RELCH: variants seen among roughly 807,000 people sequenced by gnomAD.
RELCH encodes the protein RAB11 binding and LisH domain, coiled-coil and HEAT repeat containing.
In RELCH, 41 loss-of-function variants were observed where a neutral mutation model predicts 150.3. The ratio of observed to expected loss-of-function variants is 0.27; its 90% confidence interval spans 0.21 to 0.35. The LOEUF is 0.35. RELCH is among the 10% of genes least tolerant of loss of function. RELCH has a pLI of 1.00. For synonymous variants in RELCH, 478 were observed against 531.8 expected (o/e 0.90, Z 1.39); for missense variants, 1,092 against 1,467.8 (o/e 0.74, Z 4.18).
In RELCH at chr18:62,309,348, ATG is replaced by A. The variant is rs2045954581; in HGVS notation, c.*3818_*3819del. 9.2e-5 allele frequency: 14 copies of A among 152,306 alleles called. No homozygotes were observed. In the South Asian group the frequency reaches 2.9e-3, roughly 32 times the overall value. 9.4% of individuals were successfully genotyped at this position (152,306 alleles called of 1,614,324 possible). Reference sequence around the variant, plus strand: ...TAGACAATTTTCATACTGCGTAAGAATGTGTTCTGTATGCATTTTGTGTGTGA... The same window carrying A: ...TAGACAATTTTCATACTGCGTAAGAATGTTCTGTATGCATTTTGTGTGTGA... On this transcript the variant is annotated 3_prime_UTR_variant, in exon 29 of 29. Transcript: ENST00000644646.
intron 20 of RELCH, among the ~76,000 whole-genome samples, chr18:62,270,155 G>A (rs1334793012): frequency 2.0e-5 from 3 of 152,140 alleles, no homozygotes; most frequent in Non-Finnish European, 2.9e-5. Flanking sequence ...GGCTTCTGAA[G>A]CAGCAGAGCC....
intron 13 of RELCH, among the ~76,000 whole-genome samples, chr18:62,257,180 G>A (rs1401089339): frequency 2.0e-5 from 3 of 152,110 alleles, no homozygotes; most frequent in Non-Finnish European, 2.9e-5. Context: ...GTACAAGTAG[G>A]AGAGGAGGAG....
chr18:62,269,485 ATATACACAT>A (rs1311012519), intron 20 of RELCH: 1 of 407,228 alleles, frequency 2.5e-6, no homozygotes, highest in Non-Finnish European at 5.0e-6. Flanking sequence ...AATGTGTTTC[ATATACACAT>A]TATACACATA....
At chr18:62,217,846 AT>A (rs1196081857) in intron 2 of RELCH, among the ~76,000 whole-genome samples, 2 of 151,782 alleles carry the variant, frequency 1.3e-5, no homozygotes, top group Non-Finnish European at 2.9e-5. Flanking sequence ...AGTGGGAAGA[AT>A]TTTTTTTAAG....
chr18:62,264,207 T>C (rs1357953279), intron 17 of RELCH, 62 bp downstream of exon 17: 3 of 1,390,874 alleles, frequency 2.2e-6, no homozygotes, highest in Non-Finnish European at 2.9e-6. Context: ...GCCTTGGCCC[T>C]AAGAACAAAA....
chr18:62,289,209 A>G (rs2044980853), intron 26 of RELCH, among the ~76,000 whole-genome samples: 1 of 152,158 alleles, frequency 6.6e-6, no homozygotes, highest in Non-Finnish European at 1.5e-5. Context: ...AAGGGGAAGA[A>G]CCATCTTAAC....
At chr18:62,225,964 A>T (rs1377115352) in intron 5 of RELCH, among the ~76,000 whole-genome samples, 1 of 151,948 alleles carries the variant, frequency 6.6e-6, no homozygotes, top group Admixed American at 6.6e-5. Context: ...AATTTGTAAC[A>T]GTGATAGTGG....
chr18:62,263,043 G>T (rs927380455), intron 16 of RELCH, among the ~76,000 whole-genome samples: 1 of 151,974 alleles, frequency 6.6e-6, no homozygotes, highest in Non-Finnish European at 1.5e-5. Flanking sequence ...GCTTGTTTCT[G>T]TGTCCAGATT....
intron 28 of RELCH, among the ~76,000 whole-genome samples, chr18:62,302,048 T>C (rs892389994): frequency 1.3e-4 from 20 of 152,230 alleles, no homozygotes; most frequent in African/African-American, 4.3e-4. Flanking sequence ...CACCATGTTA[T>C]AATGCCAGTG....
chr18:62,223,925 T>C (rs79760218), intron 5 of RELCH, among the ~76,000 whole-genome samples: 12,393 of 152,186 alleles, frequency 0.081, 617 homozygotes, highest in South Asian at 0.19. Flanking sequence ...CCCCAACTGA[T>C]AGAGGACATT....
chr18:62,187,605 G>A lies in RELCH; in HGVS notation c.100G>A (p.Glu34Lys). 3.3e-6 allele frequency: 5 copies of A among 1,532,012 alleles called. No homozygotes were observed. The highest frequency in any genetic ancestry group is 1.3e-5 in the South Asian group (1 of 79,624). The allele number at this position is 1,532,012 out of a possible 1,614,324, so 94.9% of individuals were successfully genotyped here. A position where few individuals can be genotyped will look rare whatever the true frequency, so the allele number is the denominator to read the frequency against. The change falls in exon 1 of 29, where the codon GAA becomes AAA. Residue 34 changes from glutamate (E) to lysine (K), a missense_variant. This residue lies in a region of RELCH where 138 missense variants were observed against 124.8 expected (regional missense o/e 1.11). Coordinates refer to ENST00000644646, the MANE Select transcript of RELCH (RefSeq NM_001346231.2). ...CGATGACGAGGTAGCTGCAACAGAG[G>A]AACGGCGGGCAGTACTTCGGCTGGG... Reference protein sequence around the residue: ...EDDDEVAATEERRAVLRLGAG... With the variant: ...EDDDEVAATEKRRAVLRLGAG...
rs1364633794 is a variant in RELCH, at chr18:62,208,603, CT to C, written c.527-2549del. Among the ~76,000 whole-genome samples the C allele has an allele frequency of 1.5e-4, 23 of 152,198 alleles. 1 individual carries two copies. Among genetic ancestry groups the C allele is most frequent in the African/African-American group, 4.8e-4 (20 of 41,524 alleles). ...ATTTGTTGTACAGATTAATTTGTCACTCAGGTACTAAGCCTAGTACCCAGTA... is the reference window on the plus strand; with the variant it reads ...ATTTGTTGTACAGATTAATTTGTCACCAGGTACTAAGCCTAGTACCCAGTA... On this transcript the variant is annotated intron_variant, in intron 1 of 28. Transcript: ENST00000644646.
At chr18:62,201,583 A>G (rs1354788118) in intron 1 of RELCH, among the ~76,000 whole-genome samples, 4 of 152,222 alleles carry the variant, frequency 2.6e-5, no homozygotes, top group Admixed American at 1.3e-4. Context: ...AAAAGTAAAA[A>G]CAAAAAGCTC....
At chr18:62,220,941 T>G (rs1235613646) in intron 2 of RELCH, 96 bp from the exon 3 acceptor site, 6 of 957,732 alleles carry the variant, frequency 6.3e-6, no homozygotes, top group Non-Finnish European at 1.7e-6. Context: ...AAATTGTATT[T>G]TTTTTTCATA....
chr18:62,214,238 C>T (rs1372169995), intron 2 of RELCH, among the ~76,000 whole-genome samples: 1 of 152,028 alleles, frequency 6.6e-6, no homozygotes, highest in African/African-American at 2.4e-5. Context: ...TTTTAGTGCT[C>T]ATGTACCATG....
At chr18:62,228,656 C>A in intron 8 of RELCH, 58 bp downstream of exon 8, 1 of 1,320,558 alleles carries the variant, frequency 7.6e-7, no homozygotes, top group Non-Finnish European at 1.0e-6. Flanking sequence ...ACATGTCAAA[C>A]GGGAAGAGCT....
chr18:62,199,225 A>G (rs2039259269), intron 1 of RELCH, among the ~76,000 whole-genome samples: 1 of 148,396 alleles, frequency 6.7e-6, no homozygotes, highest in Admixed American at 6.7e-5. Context: ...TCTCCAGCCC[A>G]TGGTGATCTC....
intron 27 of RELCH, 47 bp downstream of exon 27, chr18:62,291,678 A>C: frequency 8.2e-6 from 10 of 1,222,506 alleles, no homozygotes; most frequent in South Asian, 1.3e-5. Context: ...TTAATACCTC[A>C]TATATAGACT....
intron 27 of RELCH, among the ~76,000 whole-genome samples, chr18:62,295,027 A>G (rs2045336034): frequency 6.6e-6 from 1 of 152,186 alleles, no homozygotes; most frequent in Admixed American, 6.5e-5. Context: ...GTCTTGTTTA[A>G]AAGTCCAGAA....
Sources: allele counts gnomAD v4.1 joint callset (sites outside exome capture counted in the v4.1 genomes callset), GRCh38; gene constraint gnomAD v4.1.1; regional missense constraint gnomAD v4.1.1; transcripts MANE v1.5; gene names NCBI Gene and HGNC (gene_info 2026-07-23, HGNC 2026-07-21).